Variants in DLG5 observed in about 807,000 individuals in gnomAD.
DLG5 encodes disks large homolog 5.
A neutral mutation model predicts 189.8 loss-of-function variants in DLG5; 48 were observed. The observed-to-expected ratio is 0.25, with a 90% CI of 0.20 to 0.32. The LOEUF is 0.32. DLG5 is among the 10% of genes least tolerant of loss of function. The probability of loss-of-function intolerance (pLI) is 1.00; values close to 1 mark genes in which losing one functional copy is unlikely to be tolerated. For missense variants in DLG5, 2,160 were observed against 2,544.7 expected (o/e 0.85, Z 3.25); for synonymous variants, 1,016 against 1,054.1 (o/e 0.96, Z 0.70).
chr10:77,888,866 C>T (rs1272723967), intron 1 of DLG5, among the ~76,000 whole-genome samples: 4 of 152,134 alleles, frequency 2.6e-5, no homozygotes, highest in South Asian at 2.1e-4. Flanking sequence ...GGGGTAGTGA[C>T]GAAGACACCC....
chr10:77,862,521 T>C (rs1844511940), intron 2 of DLG5, among the ~76,000 whole-genome samples: 1 of 152,258 alleles, frequency 6.6e-6, no homozygotes, highest in South Asian at 2.1e-4. Flanking sequence ...TACAAAGTCA[T>C]GCAGCCACTT....
At chr10:77,836,109 A>T (rs1251124383) in intron 7 of DLG5, among the ~76,000 whole-genome samples, 187 bp from the exon 8 acceptor site, 1 of 151,300 alleles carries the variant, frequency 6.6e-6, no homozygotes, top group East Asian at 1.9e-4. Context: ...ATTAACCAGC[A>T]CCCCCTAGCC....
chr10:77,804,215 G>A (rs891279515), intron 27 of DLG5, among the ~76,000 whole-genome samples: 23 of 152,158 alleles, frequency 1.5e-4, no homozygotes, highest in African/African-American at 4.1e-4. Flanking sequence ...TAAGGGGCAA[G>A]ATAGTAAATA....
At chr10:77,854,821 A>G (rs1844153683) in intron 3 of DLG5, among the ~76,000 whole-genome samples, 1 of 151,910 alleles carries the variant, frequency 6.6e-6, no homozygotes, top group African/African-American at 2.4e-5. Flanking sequence ...CCCCGCCTCC[A>G]CAAAAAAAAA....
chr10:77,911,845 G>A lies in DLG5; in HGVS notation c.304+14372C>T, dbSNP rs75326651. Among the ~76,000 whole-genome samples the A allele has an allele frequency of 5.3e-3, 800 of 151,442 alleles. 31 individuals are homozygous for A. In the East Asian group the frequency reaches 0.12, roughly 22 times the overall value. On this transcript the variant is annotated intron_variant, in intron 1 of 31. Coordinates refer to ENST00000372391, the MANE Select transcript of DLG5 (RefSeq NM_004747.4). ...CAGGAGCTTGTTTACGCATAAAAAC[G>A]AACAGTTCTCTTATGCAATAGAGGG...
rs190735225 is a variant in DLG5, at chr10:77,903,208, G to T, written c.304+23009C>A. On this transcript the variant is annotated intron_variant, in intron 1 of 31. Transcript: ENST00000372391. ...TTTGGGAGGCCGAGGCAGGCGGATT[G>T]CTTGAGGTCAGGAGTTCGAGGCCAG... 2.0e-3 allele frequency among the ~76,000 whole-genome samples: 311 copies of T among 152,226 alleles called. 5 individuals carry two copies. In the East Asian group the frequency reaches 0.051, roughly 25 times the overall value.
Position 77,842,164 on chromosome 10 carries a change from T to C in DLG5, c.1154A>G (p.Lys385Arg). Reference protein sequence around the residue: ...RFEAIHHELNKATAQNKDLQW... With the variant: ...RFEAIHHELNRATAQNKDLQW... ...CAGGTCCTTGTTCTGCGCCGTGGCCTTGTTCAGCTCATGGTGGATCGCCTC... is the reference window on the plus strand; with the variant it reads ...CAGGTCCTTGTTCTGCGCCGTGGCCCTGTTCAGCTCATGGTGGATCGCCTC... Residue 385 changes from lysine to arginine, a missense_variant, in exon 7 of 32, where the codon AAG becomes AGG. Coordinates refer to ENST00000372391, the MANE Select transcript of DLG5 (RefSeq NM_004747.4). 1 of 1,606,274 alleles carries C rather than the reference T, an allele frequency of 6.2e-7. No homozygotes were observed. Among genetic ancestry groups the C allele is most frequent in the South Asian group, 1.1e-5 (1 of 91,082 alleles).
At chr10:77,838,989 G>T (rs560506026) in intron 7 of DLG5, among the ~76,000 whole-genome samples, 4 of 152,358 alleles carry the variant, frequency 2.6e-5, no homozygotes, top group Non-Finnish European at 5.9e-5. Context: ...TCAGCTGACA[G>T]GTGCACTTGA....
chr10:77,865,844 T>G (rs1216031602), intron 2 of DLG5, among the ~76,000 whole-genome samples: 1 of 152,076 alleles, frequency 6.6e-6, no homozygotes, highest in East Asian at 1.9e-4. Flanking sequence ...TGTGGCGAGT[T>G]GTGAGTAGGG....
intron 1 of DLG5, among the ~76,000 whole-genome samples, chr10:77,917,682 T>C (rs1846403944): frequency 6.6e-6 from 1 of 152,204 alleles, no homozygotes; most frequent in Non-Finnish European, 1.5e-5. Flanking sequence ...TTTTGCAAGA[T>C]GAAAAATTTC....
chr10:77,805,891 G>A (rs944444489), intron 26 of DLG5, 30 bp from the exon 27 acceptor site: 3 of 1,585,788 alleles, frequency 1.9e-6, no homozygotes, highest in Non-Finnish European at 2.6e-6. Context: ...GCTGGGCAGG[G>A]CCATCGAGAC....
In DLG5 at chr10:77,796,571, G is replaced by A. The variant is rs775531975; in HGVS notation, c.5188C>T (p.Arg1730Trp). Residue 1730 changes from arginine to tryptophan, a missense_variant, in exon 28 of 32, where the codon CGG becomes TGG. This residue lies in a region of DLG5 where 574 missense variants were observed against 644.2 expected (regional missense o/e 0.89). Transcript: ENST00000372391. This position sits in a 1 kb window ranked among gnomAD's most constrained non-coding sequence, Gnocchi z 5.2. ...GCGGTGCAGTCCACCTTCTGGACCC[G>A]CTGATAGGCCAGGCTCACCGAATCT... ...FEDSVSLAYQ[R>W]VQKVDCTALR... 1.7e-5 allele frequency: 28 copies of A among 1,613,958 alleles called. No homozygotes were observed. Among genetic ancestry groups the A allele is most frequent in the Middle Eastern group, 1.6e-4 (1 of 6,082 alleles).
At chr10:77,807,742 T>G in intron 25 of DLG5, 54 bp downstream of exon 25, 1 of 1,582,226 alleles carries the variant, frequency 6.3e-7, no homozygotes, top group Non-Finnish European at 8.6e-7. Flanking sequence ...GAGTCTCCAG[T>G]GAAAGCCTCT....
chr10:77,812,434 GCCTGAGCT>G, intron 20 of DLG5, 57 bp from the exon 21 acceptor site: 1 of 1,573,312 alleles, frequency 6.4e-7, no homozygotes, highest in Non-Finnish European at 8.7e-7. Flanking sequence ...GTTGGGGAGA[GCCTGAGCT>G]CTCTGATCAG....
chr10:77,876,867 T>C (rs1026151914), intron 1 of DLG5, among the ~76,000 whole-genome samples: 7 of 131,894 alleles, frequency 5.3e-5, no homozygotes, highest in Admixed American at 3.2e-4. Flanking sequence ...GAGCTCTCTG[T>C]CCATTCTTTT....
the DLG5 span, among the ~76,000 whole-genome samples, chr10:77,940,032 A>G: frequency 2.0e-5 from 3 of 152,234 alleles, no homozygotes; most frequent in Non-Finnish European, 4.4e-5. Flanking sequence ...CTCTGCGGCA[A>G]TCAGCCCAAA....
intron 9 of DLG5, among the ~76,000 whole-genome samples, chr10:77,832,908 T>G (rs1238478195): frequency 6.6e-6 from 1 of 151,786 alleles, no homozygotes; most frequent in Non-Finnish European, 1.5e-5. Context: ...CTCCAGAGAG[T>G]CTGGGTTTTT....
intron 20 of DLG5, chr10:77,816,047 T>C (rs1842033308): frequency 2.2e-6 from 1 of 453,740 alleles, no homozygotes; most frequent in Admixed American, 2.4e-5. Flanking sequence ...TTCCTGTGTA[T>C]ATTTTATTTC....
chr10:77,934,572 C>G, the DLG5 span, among the ~76,000 whole-genome samples: 1 of 152,010 alleles, frequency 6.6e-6, no homozygotes, highest in Non-Finnish European at 1.5e-5. Flanking sequence ...ACTATTGGCT[C>G]TGAGATGGAG....
Sources: gnomAD v4.1 joint callset for allele counts (sites outside exome capture counted in the v4.1 genomes callset) on GRCh38, gnomAD v4.1.1 for gene constraint, gnomAD v4.1.1 regional missense constraint, Gnocchi (gnomAD v3.1) non-coding constraint, MANE v1.5 for transcripts, NCBI Gene and HGNC (gene_info 2026-07-23, HGNC 2026-07-21) for gene names.